The following BRINP1 variants were observed in gnomAD, a reference collection of about 807,000 sequenced individuals.
BRINP1 encodes BMP/retinoic acid-inducible neural-specific protein 1.
In BRINP1, 17 loss-of-function variants were observed where a neutral mutation model predicts 72.9. The ratio of observed to expected loss-of-function variants is 0.23; its 90% confidence interval spans 0.16 to 0.35. The LOEUF (loss-of-function observed/expected upper bound fraction) is 0.35, where lower values mean the gene tolerates loss of function less well. Among genes scored for constraint, BRINP1 ranks in the 10% least tolerant of loss-of-function variants. The pLI, the probability that BRINP1 is intolerant of heterozygous loss-of-function variation, is 1.00. For synonymous variants in BRINP1, 418 were observed against 378.5 expected (o/e 1.10, Z -1.21); for missense variants, 850 against 1,001.6 (o/e 0.85, Z 2.04).
intron 3 of BRINP1, among the ~76,000 whole-genome samples, chr9:119,248,570 G>A (rs1341057963): frequency 2.0e-5 from 3 of 152,070 alleles, no homozygotes; most frequent in Non-Finnish European, 2.9e-5. Context: ...GGATAACCTC[G>A]ATTTATCAGT....
At chr9:119,283,223 G>A (rs1588190482) in intron 2 of BRINP1, 4 of 935,310 alleles carry the variant, frequency 4.3e-6, no homozygotes, top group South Asian at 5.0e-5. Flanking sequence ...AGTCCTCATC[G>A]TCCCTGGAAC....
At chr9:119,345,061 A>G (rs1182107785) in intron 1 of BRINP1, among the ~76,000 whole-genome samples, 2 of 152,346 alleles carry the variant, frequency 1.3e-5, no homozygotes, top group Non-Finnish European at 2.9e-5. Flanking sequence ...ATGGCAGCCT[A>G]ATCTCTGGGA....
At chr9:119,214,879 T>C (rs1199525712) in intron 5 of BRINP1, among the ~76,000 whole-genome samples, 1 of 152,148 alleles carries the variant, frequency 6.6e-6, no homozygotes, top group Non-Finnish European at 1.5e-5. Flanking sequence ...GTCTGGAAAT[T>C]CCTAGTGAAG....
At chr9:119,252,067 C>G (rs562104022) in intron 2 of BRINP1, among the ~76,000 whole-genome samples, 6 of 152,272 alleles carry the variant, frequency 3.9e-5, no homozygotes, top group African/African-American at 1.4e-4. Flanking sequence ...TTCCCGCTCT[C>G]TCTGTCTCTG....
intron 7 of BRINP1, among the ~76,000 whole-genome samples, chr9:119,189,835 T>C (rs760701276): frequency 5.3e-5 from 8 of 152,018 alleles, no homozygotes; most frequent in African/African-American, 7.2e-5. Flanking sequence ...AACAGACATA[T>C]ATAAAACATT....
At chr9:119,334,824 T>G (rs905137594) in intron 1 of BRINP1, among the ~76,000 whole-genome samples, 15 of 152,074 alleles carry the variant, frequency 9.9e-5, no homozygotes, top group African/African-American at 3.6e-4. Flanking sequence ...ATGCTCAATC[T>G]TGGCTCGCCT....
rs796135225 is a variant in BRINP1 at position 119,234,788 on chromosome 9, A to T, written c.685+3867T>A. On this transcript the variant is annotated intron_variant, in intron 5 of 7. Transcript: ENST00000265922. ...AGGAGAATATGATACTTCCTCAGAT[A>T]TTTTTTTTCCTATGACTCCTCTAGA... Among the ~76,000 whole-genome samples the T allele has an allele frequency of 3.9e-5, 6 of 151,994 alleles. No individual in the cohort carries two copies. The East Asian group carries it at 9.7e-4, about 24-fold the overall frequency.
At chr9:119,236,835 T>C (rs1588173148) in intron 5 of BRINP1, among the ~76,000 whole-genome samples, 1 of 152,228 alleles carries the variant, frequency 6.6e-6, no homozygotes, top group South Asian at 2.1e-4. Context: ...GTCTACTCTT[T>C]TTTCTGCTAA....
intron 7 of BRINP1, among the ~76,000 whole-genome samples, chr9:119,180,060 A>AC (rs1829534872): frequency 6.6e-6 from 1 of 152,054 alleles, no homozygotes; most frequent in African/African-American, 2.4e-5. Context: ...ATTCAAGCAG[A>AC]CTCCCTGCTG....
At chr9:119,307,046 CA>C (rs1564244091) in intron 2 of BRINP1, among the ~76,000 whole-genome samples, 1 of 151,960 alleles carries the variant, frequency 6.6e-6, no homozygotes, top group African/African-American at 2.4e-5. Flanking sequence ...AACCTCTACA[CA>C]ACTGAAAGTA....
chr9:119,213,863 C>T (rs1564218792), intron 6 of BRINP1, 56 bp downstream of exon 6: 3 of 1,457,462 alleles, frequency 2.1e-6, no homozygotes, highest in South Asian at 2.3e-5. Flanking sequence ...AGATTAGCTC[C>T]CTTTCAGACT....
chr9:119,257,428 G>A (rs144483075), intron 2 of BRINP1, among the ~76,000 whole-genome samples: 23 of 152,264 alleles, frequency 1.5e-4, no homozygotes, highest in South Asian at 4.1e-4. Flanking sequence ...GCTTTCTGGC[G>A]GTCTGGCTTA....
intron 1 of BRINP1, among the ~76,000 whole-genome samples, chr9:119,364,876 A>G (rs192864882): frequency 2.2e-3 from 338 of 152,398 alleles, no homozygotes; most frequent in South Asian, 8.1e-3. Context: ...TTCTTGGTAT[A>G]GGCAAAAATG....
In BRINP1 at chr9:119,167,840, G is replaced by C; in HGVS notation, c.1530C>G (p.Ile510Met). Residue 510 changes from isoleucine to methionine, a missense_variant, in exon 8 of 8, where the codon ATC (isoleucine) becomes ATG (methionine). Transcript: ENST00000265922. This position sits in a 1 kb window ranked among gnomAD's most constrained non-coding sequence, Gnocchi z 4.3. ...YVHTTFISNE[I>M]RLDTFFDPRW... Reference sequence around the variant, plus strand: ...GAGGGTCAAAGAAGGTGTCGAGGCGGATCTCGTTGCTGATGAAGGTGGTGT... The same window carrying C: ...GAGGGTCAAAGAAGGTGTCGAGGCGCATCTCGTTGCTGATGAAGGTGGTGT... 6.2e-7 allele frequency: 1 copy of C among 1,614,200 alleles called. No individual in the cohort carries two copies.
intron 1 of BRINP1, among the ~76,000 whole-genome samples, chr9:119,326,650 A>G (rs1019587836): frequency 1.3e-5 from 2 of 152,226 alleles, no homozygotes; most frequent in Non-Finnish European, 2.9e-5. Context: ...GAGATCTTTC[A>G]AAAGGGGAAG....
intron 1 of BRINP1, among the ~76,000 whole-genome samples, chr9:119,333,852 C>G (rs1004552603): frequency 6.6e-6 from 1 of 152,096 alleles, no homozygotes; most frequent in Non-Finnish European, 1.5e-5. Flanking sequence ...ATGAAAGGGC[C>G]CTTAATCTTC....
chr9:119,202,192 A>C (rs1224517135), intron 7 of BRINP1, among the ~76,000 whole-genome samples: 1 of 152,324 alleles, frequency 6.6e-6, no homozygotes, highest in African/African-American at 2.4e-5. Flanking sequence ...CTGTTCATAA[A>C]GTGGGATAAA....
chr9:119,178,618 T>G (rs984210446), intron 7 of BRINP1, among the ~76,000 whole-genome samples: 1 of 152,170 alleles, frequency 6.6e-6, no homozygotes, highest in East Asian at 1.9e-4. Flanking sequence ...TTACAACTAT[T>G]GAGTTCTCAC....
chr9:119,218,208 T>A (rs1016620100), intron 5 of BRINP1, among the ~76,000 whole-genome samples: 27 of 142,430 alleles, frequency 1.9e-4, no homozygotes, highest in Admixed American at 9.8e-4. Context: ...ATAAATATTT[T>A]TTTTTTTTTT....
Sources: gnomAD v4.1 joint callset for allele counts (sites outside exome capture counted in the v4.1 genomes callset) on GRCh38, gnomAD v4.1.1 for gene constraint, Gnocchi (gnomAD v3.1) non-coding constraint, MANE v1.5 for transcripts, NCBI Gene and HGNC (gene_info 2026-07-23, HGNC 2026-07-21) for gene names.